The following FRMD4A variants were observed in gnomAD, a reference collection of about 807,000 sequenced individuals.
FRMD4A encodes the protein FERM domain containing 4A, also known as FERM domain-containing protein 4A.
In FRMD4A, 29 loss-of-function variants were observed where a neutral mutation model predicts 129.1. That is an observed-to-expected ratio of 0.22 (90% CI 0.17 to 0.31). FRMD4A has a LOEUF of 0.31. Ranked by LOEUF, FRMD4A falls within the 10% of genes least tolerant of loss-of-function variation. FRMD4A has a pLI of 1.00. For missense variants in FRMD4A, 1,272 were observed against 1,375.8 expected (o/e 0.92, Z 1.19); for synonymous variants, 634 against 571.6 (o/e 1.11, Z -1.56).
Position 13,993,111 on chromosome 10 carries a change from G to A in FRMD4A, c.46-134199C>T, listed in dbSNP as rs989452559. Among the ~76,000 whole-genome samples the A allele has an allele frequency of 3.3e-4, 50 of 152,230 alleles. 1 individual carries two copies. Among genetic ancestry groups the A allele is most frequent in the Admixed American group, 2.7e-3 (42 of 15,278 alleles). Reference sequence around the variant, plus strand: ...TAGTGAATTCAAAGTTGCCTTATCCGGCAAGAGACAGTGAGGACATCCTGA... The same window carrying A: ...TAGTGAATTCAAAGTTGCCTTATCCAGCAAGAGACAGTGAGGACATCCTGA... On this transcript the variant is annotated intron_variant, in intron 2 of 24. Coordinates refer to ENST00000357447, the MANE Select transcript of FRMD4A (RefSeq NM_018027.5).
chr10:13,851,246 A>G (rs964335986), intron 3 of FRMD4A, among the ~76,000 whole-genome samples: 4 of 152,174 alleles, frequency 2.6e-5, no homozygotes, highest in Non-Finnish European at 4.4e-5. Flanking sequence ...AGAAAAAGAA[A>G]AAGAATTGTA....
At chr10:14,314,655 T>A (rs1013128908) in intron 2 of FRMD4A, among the ~76,000 whole-genome samples, 1 of 152,204 alleles carries the variant, frequency 6.6e-6, no homozygotes, top group African/African-American at 2.4e-5. Context: ...ACTGTCAACA[T>A]CTACACCCAC....
chr10:14,137,295 A>T (rs1839588237), intron 2 of FRMD4A, among the ~76,000 whole-genome samples: 1 of 152,198 alleles, frequency 6.6e-6, no homozygotes, highest in African/African-American at 2.4e-5. Flanking sequence ...ACTCTGAAAC[A>T]AGATTTGCAG....
intron 2 of FRMD4A, among the ~76,000 whole-genome samples, chr10:14,283,595 G>A (rs1338020140): frequency 1.3e-5 from 2 of 152,120 alleles, no homozygotes; most frequent in African/African-American, 4.8e-5. Context: ...TCACAATTCT[G>A]GAGTATTTAT....
chr10:13,663,206 GT>G (rs1273535498), intron 19 of FRMD4A, among the ~76,000 whole-genome samples: 19 of 146,794 alleles, frequency 1.3e-4, no homozygotes, highest in African/African-American at 4.4e-4. Flanking sequence ...AAAAAAAAAA[GT>G]TTTTGGCTTC....
At chr10:14,041,312 C>T (rs1382385864) in intron 2 of FRMD4A, among the ~76,000 whole-genome samples, 9 of 152,164 alleles carry the variant, frequency 5.9e-5, no homozygotes, top group South Asian at 2.1e-4. Context: ...TTTCAAAAGG[C>T]GTTTCTCATG....
intron 2 of FRMD4A, among the ~76,000 whole-genome samples, chr10:14,199,062 C>T (rs982133398): frequency 1.3e-5 from 2 of 151,862 alleles, no homozygotes; most frequent in African/African-American, 2.4e-5. Flanking sequence ...ATTAATTATC[C>T]TTTCTTATCC....
Position 14,317,022 on chromosome 10 carries a change from G to A in FRMD4A, c.45+13036C>T, listed in dbSNP as rs531270861. Reference sequence around the variant, plus strand: ...GGCATTAGTTCAAGTCCACTTTGTCGCTCAATTGTATGACTTTAATATCTC... The same window carrying A: ...GGCATTAGTTCAAGTCCACTTTGTCACTCAATTGTATGACTTTAATATCTC... On this transcript the variant is annotated intron_variant, in intron 2 of 24. Transcript: ENST00000357447. Among the ~76,000 whole-genome samples, 39 of 152,168 alleles carry A rather than the reference G, an allele frequency of 2.6e-4. No individual in the cohort carries two copies. In the South Asian group the frequency reaches 7.7e-3, roughly 30 times the overall value.
At chr10:13,927,352 T>C (rs899964242) in intron 2 of FRMD4A, among the ~76,000 whole-genome samples, 21 of 152,226 alleles carry the variant, frequency 1.4e-4, no homozygotes, top group Non-Finnish European at 2.6e-4. Context: ...CTGATTCTAC[T>C]ATAATAGAAA....
intron 2 of FRMD4A, among the ~76,000 whole-genome samples, chr10:14,162,648 T>TTTTTTTTTTTGTTTTTTG (rs1840964783): frequency 6.8e-6 from 1 of 147,166 alleles, no homozygotes; most frequent in East Asian, 2.1e-4. Flanking sequence ...TTTGTTTTTT[T>TTTTTTTTTTTGTTTTTTG]TTTTTTTTTT....
chr10:14,139,401 A>T (rs1182673849), intron 2 of FRMD4A, among the ~76,000 whole-genome samples: 3 of 152,228 alleles, frequency 2.0e-5, no homozygotes, highest in Non-Finnish European at 4.4e-5. Context: ...TATATTGAAC[A>T]TAGAAGTTAA....
At chr10:14,126,444 C>T (rs564785103) in intron 2 of FRMD4A, among the ~76,000 whole-genome samples, 1 of 152,186 alleles carries the variant, frequency 6.6e-6, no homozygotes, top group East Asian at 1.9e-4. Context: ...TCTGGGATTA[C>T]AGGCGTGAGC....
intron 2 of FRMD4A, among the ~76,000 whole-genome samples, chr10:13,922,417 T>C (rs920905125): frequency 6.6e-6 from 1 of 152,204 alleles, no homozygotes; most frequent in South Asian, 2.1e-4. Flanking sequence ...AGAAAATATA[T>C]GTGGTCTAAC....
At chr10:13,840,772 G>A (rs1428035656) in intron 3 of FRMD4A, among the ~76,000 whole-genome samples, 2 of 97,772 alleles carry the variant, frequency 2.0e-5, no homozygotes, top group Admixed American at 3.2e-4. Context: ...TGGGCAAAAA[G>A]AGTGAGACTC....
intron 2 of FRMD4A, among the ~76,000 whole-genome samples, chr10:14,131,419 C>T (rs976761157): frequency 2.1e-5 from 3 of 144,772 alleles, no homozygotes; most frequent in African/African-American, 7.6e-5. Context: ...GCCCTGTTGT[C>T]TCTAGGTGCT....
In FRMD4A at chr10:13,646,949, G is replaced by A; in HGVS notation, c.*89C>T. On this transcript the variant is annotated 3_prime_UTR_variant, in exon 25 of 25. Transcript: ENST00000357447. ...CGGGCTGGCTCACACGAGGGTCCCG[G>A]GCTTGGCTTTTTCCTGCCCGTACCA... The A allele has an allele frequency of 1.0e-6, 1 of 979,294 alleles. No individual in the cohort carries two copies. The highest frequency in any genetic ancestry group is 1.2e-6 in the Non-Finnish European group (1 of 823,926). The allele number at this position is 979,294 out of a possible 1,614,324, so 60.7% of individuals were successfully genotyped here. A position where few individuals can be genotyped will look rare whatever the true frequency, so the allele number is the denominator to read the frequency against.
intron 2 of FRMD4A, among the ~76,000 whole-genome samples, chr10:13,866,107 A>G (rs1479680385): frequency 6.6e-6 from 1 of 152,190 alleles, no homozygotes; most frequent in Non-Finnish European, 1.5e-5. Flanking sequence ...TTAATGACTC[A>G]CTAGAATTGC....
At chr10:14,085,945 TA>T (rs768989296) in intron 2 of FRMD4A, among the ~76,000 whole-genome samples, 1 of 152,236 alleles carries the variant, frequency 6.6e-6, no homozygotes, top group African/African-American at 2.4e-5. Context: ...TTTTCCCTTT[TA>T]TTTTTTTGCA....
At chr10:13,782,523 A>G (rs1019760290) in intron 6 of FRMD4A, among the ~76,000 whole-genome samples, 1 of 150,888 alleles carries the variant, frequency 6.6e-6, no homozygotes, top group Non-Finnish European at 1.5e-5. Flanking sequence ...AGCTCACTGC[A>G]ACCTCCACCT....
Sources: gnomAD v4.1 joint callset for allele counts (sites outside exome capture counted in the v4.1 genomes callset) on GRCh38, gnomAD v4.1.1 for gene constraint, MANE v1.5 for transcripts, NCBI Gene and HGNC (gene_info 2026-07-23, HGNC 2026-07-21) for gene names.